The following DPP10 variants were observed in gnomAD, a reference collection of about 807,000 sequenced individuals.
DPP10 encodes the protein dipeptidyl peptidase like 10.
In DPP10, 33 loss-of-function variants were observed where a neutral mutation model predicts 120.9. The ratio of observed to expected loss-of-function variants is 0.27; its 90% CI spans 0.21 to 0.37. The LOEUF (loss-of-function observed/expected upper bound fraction) is 0.37. Among genes scored for constraint, DPP10 ranks in the 10% least tolerant of loss-of-function variants. The pLI, the probability that DPP10 is intolerant of heterozygous loss-of-function variation, is 1.00. For synonymous variants in DPP10, 337 were observed against 326.1 expected, an observed-to-expected ratio of 1.03 and a Z score of -0.36; for missense variants, 816 against 942.8, an observed-to-expected ratio of 0.87 and a Z score of 1.76.
chr2:115,306,016 T>G (rs529317471), intron 1 of DPP10, among the ~76,000 whole-genome samples: 2 of 151,160 alleles, frequency 1.3e-5, no homozygotes, highest in African/African-American at 4.9e-5. Context: ...TAGGTAAGAG[T>G]TTTTTTTATG....
At chr2:114,771,172 C>G (rs970604934) in intron 1 of DPP10, among the ~76,000 whole-genome samples, 1 of 152,142 alleles carries the variant, frequency 6.6e-6, no homozygotes, top group Admixed American at 6.5e-5. Flanking sequence ...AGATATTTGG[C>G]TGTATGCATT....
intron 1 of DPP10, among the ~76,000 whole-genome samples, chr2:115,177,739 CTTTTGTTTTG>C (rs1032023402): frequency 6.9e-6 from 1 of 145,300 alleles, no homozygotes; most frequent in Non-Finnish European, 1.5e-5. Flanking sequence ...TATAACATTG[CTTTTGTTTTG>C]TTTTGTTTTT....
chr2:115,645,167 G>T (rs889404582), intron 5 of DPP10, among the ~76,000 whole-genome samples: 4 of 152,172 alleles, frequency 2.6e-5, no homozygotes. Flanking sequence ...AGGGCCCTGA[G>T]AATTGAGATT....
chr2:114,785,479 G>T (rs1268721469), intron 1 of DPP10, among the ~76,000 whole-genome samples: 1 of 152,156 alleles, frequency 6.6e-6, no homozygotes, highest in Non-Finnish European at 1.5e-5. Context: ...CAGGCAAGAA[G>T]ATAGTATCCT....
chr2:115,569,436 G>T (rs921887767), intron 5 of DPP10, among the ~76,000 whole-genome samples: 1 of 152,148 alleles, frequency 6.6e-6, no homozygotes, highest in African/African-American at 2.4e-5. Flanking sequence ...GGTGTCATTG[G>T]TCTTGAAAAT....
At chr2:115,663,418 C>A (rs537822933) in intron 5 of DPP10, among the ~76,000 whole-genome samples, 3 of 152,298 alleles carry the variant, frequency 2.0e-5, no homozygotes, top group African/African-American at 7.2e-5. Flanking sequence ...TTTCCTTGCA[C>A]AACTTTTCAT....
At chr2:115,353,888 T>C (rs1425424451) in intron 3 of DPP10, among the ~76,000 whole-genome samples, 1 of 152,306 alleles carries the variant, frequency 6.6e-6, no homozygotes, top group East Asian at 1.9e-4. Context: ...ATCATGAAAC[T>C]AACATTTGAC....
chr2:115,413,097 C>T (rs1274719641), intron 3 of DPP10, among the ~76,000 whole-genome samples: 1 of 152,102 alleles, frequency 6.6e-6, no homozygotes, highest in Non-Finnish European at 1.5e-5. Flanking sequence ...CTAAGGACCA[C>T]CCAGCACCAT....
chr2:115,115,623 C>T (rs918002014), intron 1 of DPP10, among the ~76,000 whole-genome samples: 25 of 152,168 alleles, frequency 1.6e-4, no homozygotes, highest in African/African-American at 4.3e-4. Flanking sequence ...ATCTTTAGTA[C>T]ATGCAACTTC....
intron 1 of DPP10, among the ~76,000 whole-genome samples, chr2:114,957,541 C>T (rs1698304375): frequency 6.6e-6 from 1 of 152,002 alleles, no homozygotes; most frequent in Non-Finnish European, 1.5e-5. Context: ...ATGGAAGTTC[C>T]TCAATAAACT....
intron 1 of DPP10, among the ~76,000 whole-genome samples, chr2:114,520,890 G>A (rs1684989775): frequency 6.6e-6 from 1 of 152,146 alleles, no homozygotes; most frequent in Non-Finnish European, 1.5e-5. Flanking sequence ...AAATGTGGCT[G>A]ATTTGCTTCA....
intron 5 of DPP10, among the ~76,000 whole-genome samples, chr2:115,543,770 G>A (rs2079323244): frequency 6.6e-6 from 1 of 152,016 alleles, no homozygotes; most frequent in African/African-American, 2.4e-5. Flanking sequence ...TGTCGCTGTT[G>A]CTGTAAATAA....
At chr2:115,112,049 T>G (rs544218087) in intron 1 of DPP10, among the ~76,000 whole-genome samples, 1 of 152,342 alleles carries the variant, frequency 6.6e-6, no homozygotes, top group Admixed American at 6.5e-5. Flanking sequence ...TTTAAAATTC[T>G]AATCAGCCTT....
chr2:115,505,205 C>T, intron 4 of DPP10, among the ~76,000 whole-genome samples: 1 of 151,844 alleles, frequency 6.6e-6, no homozygotes, highest in Non-Finnish European at 1.5e-5. Context: ...TCCTTATAAA[C>T]AAAGTTATCT....
At chr2:115,836,840 T>C (rs906926231) in intron 24 of DPP10, 94 bp downstream of exon 24, 1 of 1,146,808 alleles carries the variant, frequency 8.7e-7, no homozygotes, top group Admixed American at 2.4e-5. Context: ...CCTGTAAACC[T>C]TCTGAAGAAG....
At chr2:115,569,566 A>C (rs1197923975) in intron 5 of DPP10, among the ~76,000 whole-genome samples, 1 of 152,232 alleles carries the variant, frequency 6.6e-6, no homozygotes, top group Non-Finnish European at 1.5e-5. Flanking sequence ...CTTAGATTGT[A>C]TCTACGCAAT....
At chr2:115,741,740 G>A (rs1478496472) in intron 9 of DPP10, among the ~76,000 whole-genome samples, 1 of 152,056 alleles carries the variant, frequency 6.6e-6, no homozygotes, top group Non-Finnish European at 1.5e-5. Context: ...CAAAAGAAAT[G>A]GGATTTTTTT....
At chr2:114,746,600 G>A (rs1260212587) in intron 1 of DPP10, among the ~76,000 whole-genome samples, 1 of 152,148 alleles carries the variant, frequency 6.6e-6, no homozygotes, top group Non-Finnish European at 1.5e-5. Flanking sequence ...TGGAGCCTAG[G>A]GTGATTGCAG....
intron 1 of DPP10, among the ~76,000 whole-genome samples, chr2:114,715,940 C>T (rs565609716): frequency 1.3e-5 from 2 of 151,746 alleles, no homozygotes; most frequent in African/African-American, 2.4e-5. Context: ...ACTCAAGATG[C>T]TACCAGATTA....
Sources: allele counts gnomAD v4.1 joint callset (sites outside exome capture counted in the v4.1 genomes callset), GRCh38; gene constraint gnomAD v4.1.1; transcripts MANE v1.5; gene names NCBI Gene and HGNC (gene_info 2026-07-23, HGNC 2026-07-21).